AGBL1: variants seen among roughly 807,000 people sequenced by gnomAD.
AGBL1 encodes cytosolic carboxypeptidase 4.
A neutral mutation model predicts 118.9 loss-of-function variants in AGBL1; 130 were observed. That is an observed-to-expected ratio of 1.09 (90% CI 0.95 to 1.26). The LOEUF (loss-of-function observed/expected upper bound fraction) is 1.26. Ranked by LOEUF, AGBL1 falls within the 50% of genes most tolerant of loss-of-function variation. AGBL1 has a pLI of 0.00. For synonymous variants in AGBL1, 555 were observed against 478.9 expected (o/e 1.16, Z -2.08); for missense variants, 1,584 against 1,298.1 (o/e 1.22, Z -3.38).
rs59067780 is a variant in AGBL1, at chr15:86,931,566, TTGCTGCTGCTGCTGCTGC to T, written c.3222-56388_3222-56371del. 1.4e-3 allele frequency among the ~76,000 whole-genome samples: 212 copies of T among 150,524 alleles called. 2 individuals carry two copies. Among genetic ancestry groups the T allele is most frequent in the African/African-American group, 2.2e-3 (88 of 40,818 alleles). On this transcript the variant is annotated intron_variant, in intron 23 of 24. Coordinates refer to the AGBL1 transcript ENST00000441037. ...AGCAACAAAATGAATAGTGGTGCTT[TTGCTGCTGCTGCTGCTGC>T]TGCTGCTGCTGCTGCTGCTGCTGCT...
At chr15:86,430,569 G>C (rs2081923804) in intron 18 of AGBL1, among the ~76,000 whole-genome samples, 1 of 151,852 alleles carries the variant, frequency 6.6e-6, no homozygotes, top group East Asian at 1.9e-4. Flanking sequence ...GGGAAGCAGT[G>C]ATATAATCTT....
chr15:86,711,356 C>T (rs938539829), intron 22 of AGBL1, among the ~76,000 whole-genome samples: 1 of 152,100 alleles, frequency 6.6e-6, no homozygotes, highest in Non-Finnish European at 1.5e-5. Flanking sequence ...TACTTTGAAC[C>T]TCTCTGTGGC....
intron 18 of AGBL1, among the ~76,000 whole-genome samples, chr15:86,410,807 G>GAGATATATATATATAT (rs1187690696): frequency 2.5e-5 from 1 of 40,398 alleles, no homozygotes; most frequent in Non-Finnish European, 4.3e-5. Flanking sequence ...GTCAAATGTA[G>GAGATATATATATATAT]ATATATATAT....
intron 23 of AGBL1, among the ~76,000 whole-genome samples, chr15:86,923,715 A>G (rs542699192): frequency 6.6e-6 from 1 of 152,330 alleles, no homozygotes; most frequent in South Asian, 2.1e-4. Flanking sequence ...ATCATTTAGC[A>G]TCTTCCAATT....
At chr15:86,451,813 T>A (rs559473569) in intron 18 of AGBL1, among the ~76,000 whole-genome samples, 1 of 152,214 alleles carries the variant, frequency 6.6e-6, no homozygotes, top group Non-Finnish European at 1.5e-5. Context: ...TCTAATATGA[T>A]TTGCACATGT....
intron 5 of AGBL1, among the ~76,000 whole-genome samples, chr15:86,215,239 G>A (rs1186526149): frequency 1.4e-5 from 2 of 142,786 alleles, no homozygotes; most frequent in African/African-American, 3.0e-5. Context: ...GTGTGTGTGT[G>A]TGTGTGTGTG....
intron 18 of AGBL1, among the ~76,000 whole-genome samples, chr15:86,403,534 G>A (rs2081478601): frequency 6.6e-6 from 1 of 152,096 alleles, no homozygotes; most frequent in Non-Finnish European, 1.5e-5. Context: ...TTACTCCACT[G>A]TGGGTTGTGA....
At chr15:86,344,657 G>C (rs1272350047) in intron 17 of AGBL1, among the ~76,000 whole-genome samples, 3 of 151,738 alleles carry the variant, frequency 2.0e-5, no homozygotes, top group African/African-American at 7.3e-5. Flanking sequence ...GAGCATCTCT[G>C]GGTATGCATT....
chr15:86,226,883 A>G (rs905165940), intron 6 of AGBL1, among the ~76,000 whole-genome samples: 2 of 152,212 alleles, frequency 1.3e-5, no homozygotes, highest in African/African-American at 2.4e-5. Flanking sequence ...CATTGTGATG[A>G]AATTGCTATT....
rs116184708 is a variant in AGBL1, at chr15:86,664,516, T to C, written c.2995-9757T>C. Among the ~76,000 whole-genome samples the C allele has an allele frequency of 5.0e-3, 761 of 152,290 alleles. 4 individuals are homozygous for C. The highest frequency in any genetic ancestry group is 0.017 in the African/African-American group (715 of 41,566). On this transcript the variant is annotated intron_variant, in intron 21 of 22. Coordinates refer to ENST00000614907, the MANE Select transcript of AGBL1 (RefSeq NM_001386094.1). ...CTGTCTTTCAACTCATGCTGGCTCT[T>C]TGTAAAGGTTCTGAGAATGTTTGGA...
At chr15:86,294,394 CTT>C (rs1271936336) in intron 16 of AGBL1, among the ~76,000 whole-genome samples, 2 of 91,482 alleles carry the variant, frequency 2.2e-5, no homozygotes, top group Admixed American at 1.4e-4. Context: ...CAGAGTGAGA[CTT>C]TGTCTCAAAA....
chr15:86,784,287 G>C (rs2078375353), intron 22 of AGBL1, among the ~76,000 whole-genome samples: 1 of 152,180 alleles, frequency 6.6e-6, no homozygotes. Context: ...CCTACTGATG[G>C]AATTCAGGAA....
chr15:86,548,169 A>G (rs780167316), intron 20 of AGBL1, among the ~76,000 whole-genome samples: 13 of 152,172 alleles, frequency 8.5e-5, no homozygotes, highest in Non-Finnish European at 1.6e-4. Flanking sequence ...TATCATCATG[A>G]TATCTACCAG....
intron 22 of AGBL1, among the ~76,000 whole-genome samples, chr15:86,714,726 A>G (rs1443074004): frequency 6.6e-6 from 1 of 152,118 alleles, no homozygotes; most frequent in African/African-American, 2.4e-5. Context: ...ATGGCTCCCA[A>G]AAAGAGAAGA....
intron 14 of AGBL1, among the ~76,000 whole-genome samples, chr15:86,271,231 G>A (rs1337757623): frequency 2.0e-5 from 3 of 151,404 alleles, no homozygotes; most frequent in Non-Finnish European, 2.9e-5. Context: ...TTTAGTAGCC[G>A]TGTTGTGTTT....
rs72116454 is a variant in AGBL1, at chr15:86,364,958, C to CATATATAT, written c.2375-32384_2375-32377dup. ...GAGCCGCATTGATTTATATGTCACA[C>CATATATAT]ATATATATATATATATATATATATA... On this transcript the variant is annotated intron_variant, in intron 17 of 22. Coordinates refer to ENST00000614907, the MANE Select transcript of AGBL1 (RefSeq NM_001386094.1). Among the ~76,000 whole-genome samples, 303 of 76,132 alleles carry CATATATAT rather than the reference C, an allele frequency of 4.0e-3. 6 individuals carry two copies. Among genetic ancestry groups the CATATATAT allele is most frequent in the East Asian group, 0.026 (102 of 3,996 alleles). 49.9% of individuals were successfully genotyped at this position (76,132 alleles called of 152,430 possible).
intron 23 of AGBL1, among the ~76,000 whole-genome samples, chr15:86,931,566 TTGCTGCTGCTGCTGCTGCTGCTGCTGC>T (rs59067780): frequency 1.3e-4 from 20 of 150,524 alleles, no homozygotes; most frequent in South Asian, 2.1e-4. Context: ...AGTGGTGCTT[TTGCTGCTGCTGCTGCTGCTGCTGCTGC>T]TGCTGCTGCT....
intron 21 of AGBL1, among the ~76,000 whole-genome samples, chr15:86,595,167 T>C (rs2084388536): frequency 6.6e-6 from 1 of 152,222 alleles, no homozygotes; most frequent in African/African-American, 2.4e-5. Flanking sequence ...CTCCTCTCTC[T>C]ATAACCTTAA....
At chr15:86,657,656 C>T (rs1307051511) in intron 21 of AGBL1, among the ~76,000 whole-genome samples, 2 of 152,190 alleles carry the variant, frequency 1.3e-5, no homozygotes, top group South Asian at 4.1e-4. Flanking sequence ...CCTAGAAATG[C>T]TGTGTCCTCT....
Sources: allele counts gnomAD v4.1 joint callset (sites outside exome capture counted in the v4.1 genomes callset), GRCh38; gene constraint gnomAD v4.1.1; transcripts MANE v1.5; gene names NCBI Gene and HGNC (gene_info 2026-07-23, HGNC 2026-07-21).